CREB5: variants seen among roughly 807,000 people sequenced by gnomAD.
The protein encoded by CREB5 is cyclic AMP-responsive element-binding protein 5.
Under a neutral mutation model 57.1 loss-of-function variants are expected in CREB5, and 19 were observed. The observed-to-expected ratio is 0.33, with a 90% CI of 0.23 to 0.49. CREB5 has a LOEUF of 0.49. Ranked by LOEUF, CREB5 falls within the 20% of genes least tolerant of loss-of-function variation. CREB5 has a pLI of 0.99. For missense variants in CREB5, 579 were observed against 671.6 expected, an observed-to-expected ratio of 0.86 and a Z score of 1.52; for synonymous variants, 238 against 238.3, an observed-to-expected ratio of 1.00 and a Z score of 0.01.
intron 5 of CREB5, among the ~76,000 whole-genome samples, chr7:28,652,196 TTTATA>T (rs1799155931): frequency 6.6e-6 from 1 of 152,160 alleles, no homozygotes; most frequent in Non-Finnish European, 1.5e-5. Flanking sequence ...TATCTAATAG[TTTATA>T]TTAATGACTT....
In CREB5 at chr7:28,819,774, CCTTT is replaced by C. The variant is rs1468054598; in HGVS notation, c.*496_*499del. 2 of 152,632 alleles carry C rather than the reference CCTTT, an allele frequency of 1.3e-5. No individual in the cohort carries two copies. Among genetic ancestry groups the C allele is most frequent in the African/African-American group, 2.4e-5 (1 of 41,420 alleles). The allele number at this position is 152,632 out of a possible 1,614,324, so 9.5% of individuals were successfully genotyped here. The stretch of plus-strand genomic sequence containing the variant: ...AGATAAACACACAGCCTTTCCCATA[CCTTT>C]TTTTTTCTTACTATAAAATATTATA... On this transcript the variant is annotated 3_prime_UTR_variant, in exon 11 of 11. Coordinates refer to ENST00000357727, the MANE Select transcript of CREB5 (RefSeq NM_182898.4).
At chr7:28,430,428 A>G (rs1788668971) in intron 1 of CREB5, among the ~76,000 whole-genome samples, 1 of 152,214 alleles carries the variant, frequency 6.6e-6, no homozygotes, top group Non-Finnish European at 1.5e-5. Flanking sequence ...TAAGATGGGC[A>G]TAATAATAAG....
In CREB5 at chr7:28,824,398, TTGTCCTA is replaced by T. The variant is rs1335877566; in HGVS notation, c.*5120_*5126del. The T allele has an allele frequency of 2.0e-5, 3 of 152,652 alleles. No individual in the cohort carries two copies. The highest frequency in any genetic ancestry group is 2.0e-4 in the Admixed American group (3 of 15,282). The allele number at this position is 152,652 out of a possible 1,614,324, so 9.5% of individuals were successfully genotyped here. A position where few individuals can be genotyped will look rare whatever the true frequency, so the allele number is the denominator to read the frequency against. On this transcript the variant is annotated 3_prime_UTR_variant, in exon 11 of 11. Transcript: ENST00000357727. ...GTGCACCCTGGTGCACATCTGACTGTTGTCCTAGCCATAGACTCTCTGAGGCCACTGA... is the reference window on the plus strand; with the variant it reads ...GTGCACCCTGGTGCACATCTGACTGTGCCATAGACTCTCTGAGGCCACTGA...
intron 1 of CREB5, among the ~76,000 whole-genome samples, chr7:28,319,187 T>A (rs1785440849): frequency 6.6e-6 from 1 of 151,874 alleles, no homozygotes. Context: ...GAAAATGGCA[T>A]CTCCTAATAG....
intron 1 of CREB5, among the ~76,000 whole-genome samples, chr7:28,379,274 G>A (rs975871017): frequency 3.3e-5 from 5 of 152,194 alleles, no homozygotes; most frequent in Non-Finnish European, 7.3e-5. Context: ...CAGGGGCCTG[G>A]ATACAGACGC....
chr7:28,652,343 G>A (rs574109507), intron 5 of CREB5, among the ~76,000 whole-genome samples: 47 of 152,010 alleles, frequency 3.1e-4, no homozygotes, highest in Non-Finnish European at 5.6e-4. Flanking sequence ...TGGAAGTTTT[G>A]GTTTCACACT....
chr7:28,678,305 T>C (rs1165776964), intron 5 of CREB5, among the ~76,000 whole-genome samples: 2 of 151,770 alleles, frequency 1.3e-5, no homozygotes, highest in East Asian at 3.9e-4. Flanking sequence ...GGAGAATTGC[T>C]TGAACCCCGG....
chr7:28,643,582 T>C (rs1798766571), intron 5 of CREB5, among the ~76,000 whole-genome samples: 1 of 152,158 alleles, frequency 6.6e-6, no homozygotes, highest in African/African-American at 2.4e-5. Context: ...TGCTCATCTG[T>C]AATAGGGTGA....
At chr7:28,317,454 C>T (rs1009681499) in intron 1 of CREB5, among the ~76,000 whole-genome samples, 6 of 152,308 alleles carry the variant, frequency 3.9e-5, no homozygotes, top group African/African-American at 1.4e-4. Flanking sequence ...TTCCTAATAG[C>T]CTTGACTTCC....
intron 5 of CREB5, among the ~76,000 whole-genome samples, chr7:28,716,639 C>T (rs557382955): frequency 1.3e-5 from 2 of 152,324 alleles, no homozygotes; most frequent in Admixed American, 6.5e-5. Context: ...TATATATACA[C>T]TTTGATATTC....
At chr7:28,437,132 T>A (rs1248001969) in intron 1 of CREB5, among the ~76,000 whole-genome samples, 1 of 152,160 alleles carries the variant, frequency 6.6e-6, no homozygotes, top group African/African-American at 2.4e-5. Context: ...GAGCACCTGT[T>A]AAGGGCCATG....
chr7:28,758,437 A>T, intron 7 of CREB5, among the ~76,000 whole-genome samples: 1 of 152,126 alleles, frequency 6.6e-6, no homozygotes, highest in East Asian at 1.9e-4. Flanking sequence ...ATTTGTTGGA[A>T]GTGTGAGGGC....
intron 5 of CREB5, among the ~76,000 whole-genome samples, chr7:28,650,991 T>TAG (rs1799106375): frequency 6.6e-6 from 1 of 152,140 alleles, no homozygotes. Context: ...ACAGGTTATT[T>TAG]TCAGGAATGG....
intron 1 of CREB5, among the ~76,000 whole-genome samples, chr7:28,426,574 C>T (rs969525363): frequency 1.3e-5 from 2 of 152,200 alleles, no homozygotes; most frequent in African/African-American, 2.4e-5. Context: ...CAGACACACA[C>T]GTGCACACAT....
At chr7:28,429,479 A>G (rs141846667) in intron 1 of CREB5, among the ~76,000 whole-genome samples, 1 of 152,328 alleles carries the variant, frequency 6.6e-6, no homozygotes, top group Non-Finnish European at 1.5e-5. Context: ...TATTAATGTA[A>G]TACTTTACAC....
In CREB5 at chr7:28,699,013, TACTC is replaced by T. The variant is rs1801713449; in HGVS notation, c.465-19737_465-19734del. ...GCACAGAAGTGGGTTTTGAGCGAGATACTCACAATAAGGGAGGGAGAGGGACTGG... is the reference window on the plus strand; with the variant it reads ...GCACAGAAGTGGGTTTTGAGCGAGATACAATAAGGGAGGGAGAGGGACTGG... On this transcript the variant is annotated intron_variant, in intron 5 of 10. Transcript: ENST00000357727. 3.9e-5 allele frequency among the ~76,000 whole-genome samples: 6 copies of T among 152,284 alleles called. No individual in the cohort carries two copies. In the South Asian group the frequency reaches 1.2e-3, roughly 32 times the overall value.
chr7:28,744,507 CCTG>C (rs1369998630), intron 7 of CREB5, among the ~76,000 whole-genome samples: 1 of 151,924 alleles, frequency 6.6e-6, no homozygotes, highest in African/African-American at 2.4e-5. Flanking sequence ...ACCACCACGC[CCTG>C]CTAATTTTTG....
intron 5 of CREB5, among the ~76,000 whole-genome samples, chr7:28,641,846 C>T (rs1304905700): frequency 1.3e-5 from 2 of 152,186 alleles, no homozygotes; most frequent in South Asian, 2.1e-4. Context: ...CCATCCCATT[C>T]GTTTTTATGG....
At chr7:28,522,056 A>G (rs1793227911) in intron 4 of CREB5, among the ~76,000 whole-genome samples, 1 of 152,174 alleles carries the variant, frequency 6.6e-6, no homozygotes, top group Non-Finnish European at 1.5e-5. Flanking sequence ...AGTTTTGTTT[A>G]TATTATCCCC....
Sources: gnomAD v4.1 joint callset for allele counts (sites outside exome capture counted in the v4.1 genomes callset) on GRCh38, gnomAD v4.1.1 for gene constraint, MANE v1.5 for transcripts, NCBI Gene and HGNC (gene_info 2026-07-23, HGNC 2026-07-21) for gene names.